The following CPLX4 variants were observed in gnomAD, a reference collection of about 807,000 sequenced individuals.
The protein encoded by CPLX4 is complexin-4.
A neutral mutation model predicts 16.1 loss-of-function variants in CPLX4; 17 were observed. The ratio of observed to expected loss-of-function variants is 1.06; its 90% CI spans 0.72 to 1.59. The LOEUF (loss-of-function observed/expected upper bound fraction) is 1.59, where lower values mean the gene tolerates loss of function less well. Ranked by LOEUF, CPLX4 falls within the 40% of genes most tolerant of loss-of-function variation. The pLI, the probability that CPLX4 is intolerant of heterozygous loss-of-function variation, is 0.00. For missense variants in CPLX4, 193 were observed against 192.9 expected (o/e 1.00, Z 0.00); for synonymous variants, 55 against 57.8 (o/e 0.95, Z 0.22).
chr18:59,298,717 C>T (rs568868484), intron 2 of CPLX4, among the ~76,000 whole-genome samples: 124 of 152,262 alleles, frequency 8.1e-4, no homozygotes, highest in Non-Finnish European at 1.5e-3. Context: ...GTCCAAACAG[C>T]ACACCAGGTA....
intron 1 of CPLX4, among the ~76,000 whole-genome samples, chr18:59,317,376 T>C (rs1025774954): frequency 3.9e-5 from 6 of 152,180 alleles, no homozygotes; most frequent in Non-Finnish European, 8.8e-5. Context: ...ATCTTAATTC[T>C]ACCTTAAACA....
chr18:59,308,830 G>A (rs2070596236), intron 2 of CPLX4, among the ~76,000 whole-genome samples: 1 of 152,168 alleles, frequency 6.6e-6, no homozygotes, highest in Non-Finnish European at 1.5e-5. Flanking sequence ...TCGCCACATG[G>A]GCCATCGAAG....
chr18:59,305,911 C>G (rs552913653), intron 2 of CPLX4, among the ~76,000 whole-genome samples: 1 of 152,046 alleles, frequency 6.6e-6, no homozygotes, highest in East Asian at 1.9e-4. Context: ...AGAAGCAGTA[C>G]GAGAACAGGA....
At chr18:59,307,141 G>A (rs753437221) in intron 2 of CPLX4, among the ~76,000 whole-genome samples, 18 of 152,142 alleles carry the variant, frequency 1.2e-4, no homozygotes, top group Admixed American at 6.5e-5. Context: ...AAGGGGGCAC[G>A]AAAAAGTCCT....
chr18:59,312,578 A>C, intron 2 of CPLX4, 107 bp downstream of exon 2: 1 of 260,364 alleles, frequency 3.8e-6, no homozygotes, highest in Non-Finnish European at 7.1e-6. Flanking sequence ...TCTTGAATAT[A>C]TATATATATA....
At chr18:59,304,966 T>TGC (rs1555669865) in intron 2 of CPLX4, among the ~76,000 whole-genome samples, 7 of 146,182 alleles carry the variant, frequency 4.8e-5, no homozygotes, top group African/African-American at 7.5e-5. Flanking sequence ...TGTGTGTGTG[T>TGC]GCAATTTTCT....
At chr18:59,311,965 C>T (rs1318164407) in intron 2 of CPLX4, among the ~76,000 whole-genome samples, 4 of 152,146 alleles carry the variant, frequency 2.6e-5, no homozygotes, top group South Asian at 2.1e-4. Context: ...AACCAGCAAG[C>T]GATGGTTCCT....
intron 2 of CPLX4, among the ~76,000 whole-genome samples, chr18:59,311,279 T>A (rs1489484471): frequency 6.6e-6 from 1 of 152,186 alleles, no homozygotes; most frequent in Non-Finnish European, 1.5e-5. Flanking sequence ...AGCAAGGCAT[T>A]CTTTTCCAAG....
At chr18:59,305,321 G>C (rs189470756) in intron 2 of CPLX4, among the ~76,000 whole-genome samples, 62 of 151,938 alleles carry the variant, frequency 4.1e-4, no homozygotes, top group African/African-American at 1.5e-3. Flanking sequence ...ACAGGACAAG[G>C]AGTTCGGATT....
At chr18:59,299,443 C>T (rs1355448865) in intron 2 of CPLX4, among the ~76,000 whole-genome samples, 1 of 152,304 alleles carries the variant, frequency 6.6e-6, no homozygotes, top group African/African-American at 2.4e-5. Flanking sequence ...CTGCTGTGGG[C>T]TTGCAGGGAT....
chr18:59,313,637 GAAATCTCT>G (rs1332424423), intron 1 of CPLX4, among the ~76,000 whole-genome samples: 4 of 152,200 alleles, frequency 2.6e-5, no homozygotes, highest in Admixed American at 2.6e-4. Flanking sequence ...CTCCGTAAAT[GAAATCTCT>G]TTGAAAATTT....
chr18:59,309,236 G>C (rs1224710544), intron 2 of CPLX4, among the ~76,000 whole-genome samples: 1 of 152,084 alleles, frequency 6.6e-6, no homozygotes, highest in Non-Finnish European at 1.5e-5. Context: ...CCATAGGCAC[G>C]GTTTTGAAAC....
chr18:59,305,641 A>T (rs1284799145), intron 2 of CPLX4, among the ~76,000 whole-genome samples: 1 of 152,198 alleles, frequency 6.6e-6, no homozygotes, highest in Non-Finnish European at 1.5e-5. Flanking sequence ...GGGGAGAATG[A>T]GCAAGTGAGT....
intron 2 of CPLX4, among the ~76,000 whole-genome samples, chr18:59,297,717 C>G (rs2070511490): frequency 6.6e-6 from 1 of 152,242 alleles, no homozygotes; most frequent in South Asian, 2.1e-4. Flanking sequence ...GACCCACTCA[C>G]CTGGTTGACC....
Position 59,296,478 on chromosome 18 carries a change from C to T in CPLX4, c.*220G>A. 1.7e-6 allele frequency: 1 copy of T among 576,012 alleles called. No individual in the cohort carries two copies. The highest frequency in any genetic ancestry group is 3.0e-5 in the East Asian group (1 of 33,072). The allele number at this position is 576,012 out of a possible 1,614,324, so 35.7% of individuals were successfully genotyped here. A position where few individuals can be genotyped will look rare whatever the true frequency, so the allele number is the denominator to read the frequency against. Reference sequence around the variant, plus strand: ...TTACAACTGAAATTTTCCAGTTTATCTCATTTATAACTAAAAGGAAAGTAA... The same window carrying T: ...TTACAACTGAAATTTTCCAGTTTATTTCATTTATAACTAAAAGGAAAGTAA... On this transcript the variant is annotated 3_prime_UTR_variant, in exon 3 of 3. Transcript: ENST00000299721.
chr18:59,318,506 T>C lies in CPLX4; in HGVS notation c.-44A>G. 1.3e-6 allele frequency: 2 copies of C among 1,555,876 alleles called. No homozygotes were observed. Among genetic ancestry groups the C allele is most frequent in the Non-Finnish European group, 1.7e-6 (2 of 1,158,396 alleles). On this transcript the variant is annotated 5_prime_UTR_variant, in exon 1 of 3. Coordinates refer to ENST00000299721, the MANE Select transcript of CPLX4 (RefSeq NM_181654.4). The stretch of plus-strand genomic sequence containing the variant: ...ATAAAACCAAAATTCAGACAAAAGC[T>C]GAAAAAAAAAATCCAAACAAACCCA...
At chr18:59,309,368 T>C (rs985349641) in intron 2 of CPLX4, among the ~76,000 whole-genome samples, 4 of 152,214 alleles carry the variant, frequency 2.6e-5, no homozygotes, top group African/African-American at 9.7e-5. Flanking sequence ...TCAAGTGAAA[T>C]TCTTATCTGT....
chr18:59,303,357 A>G (rs2070554805), intron 2 of CPLX4, among the ~76,000 whole-genome samples: 1 of 152,204 alleles, frequency 6.6e-6, no homozygotes, highest in Non-Finnish European at 1.5e-5. Context: ...AGCTGTGCAC[A>G]TCTCATACCT....
chr18:59,296,638 C>T lies in CPLX4; in HGVS notation c.*60G>A. The T allele has an allele frequency of 3.2e-6, 5 of 1,585,088 alleles. No homozygotes were observed. The highest frequency in any genetic ancestry group is 1.1e-5 in the South Asian group (1 of 88,018). The stretch of plus-strand genomic sequence containing the variant: ...TAAAACATGTACTGCTTGAAACGTC[C>T]CACAAGAGAGTGGTCTTTTCCAAGG... On this transcript the variant is annotated 3_prime_UTR_variant, in exon 3 of 3. Coordinates refer to ENST00000299721, the MANE Select transcript of CPLX4 (RefSeq NM_181654.4).
Sources: allele counts gnomAD v4.1 joint callset (sites outside exome capture counted in the v4.1 genomes callset), GRCh38; gene constraint gnomAD v4.1.1; transcripts MANE v1.5; gene names NCBI Gene and HGNC (gene_info 2026-07-23, HGNC 2026-07-21).